Variants in ZRANB3 observed in about 807,000 individuals in gnomAD.
The protein encoded by ZRANB3 is zinc finger RANBP2-type containing 3, also known as DNA annealing helicase and endonuclease ZRANB3.
ZRANB3 carries 125 observed loss-of-function variants against 133.8 expected under a neutral mutation model. The ratio of observed to expected loss-of-function variants is 0.93; its 90% CI spans 0.81 to 1.08. ZRANB3 has a LOEUF of 1.08. Among genes scored for constraint, ZRANB3 ranks in the 50% least tolerant of loss-of-function variants. The pLI, the probability that ZRANB3 is intolerant of heterozygous loss-of-function variation, is 0.00. For synonymous variants in ZRANB3, 387 were observed against 432.7 expected, an observed-to-expected ratio of 0.89 and a Z score of 1.31; for missense variants, 1,229 against 1,275.5, an observed-to-expected ratio of 0.96 and a Z score of 0.56.
chr2:135,451,157 AC>A (rs1313692545), intron 2 of ZRANB3, among the ~76,000 whole-genome samples: 1 of 152,198 alleles, frequency 6.6e-6, no homozygotes, highest in Non-Finnish European at 1.5e-5. Flanking sequence ...AAAGGATCAA[AC>A]CGTTTCTAAG....
At chr2:135,287,465 T>C (rs1681435995) in intron 8 of ZRANB3, among the ~76,000 whole-genome samples, 1 of 152,134 alleles carries the variant, frequency 6.6e-6, no homozygotes, top group Non-Finnish European at 1.5e-5. Context: ...AGAATGATGA[T>C]GGTTATTTTG....
At chr2:135,433,256 G>A (rs557647592) in intron 2 of ZRANB3, among the ~76,000 whole-genome samples, 2 of 152,124 alleles carry the variant, frequency 1.3e-5, no homozygotes, top group Middle Eastern at 3.4e-3. Context: ...GTGTGGTGAC[G>A]TGCGCCTGTA....
rs551410818 is a variant in ZRANB3, at chr2:135,477,492, T to A, written c.161+26837A>T. On this transcript the variant is annotated intron_variant, in intron 2 of 20. Transcript: ENST00000264159. ...CTGCCTGCGGCCCCTCTTCCTTACC[T>A]CCAAGGCCCACTGGGCTATACTTGT... 3.3e-5 allele frequency among the ~76,000 whole-genome samples: 5 copies of A among 152,268 alleles called. No homozygotes were observed. The South Asian group carries it at 1.0e-3, about 32-fold the overall frequency.
At chr2:135,307,625 TG>T (rs1225629241) in intron 8 of ZRANB3, among the ~76,000 whole-genome samples, 1 of 152,194 alleles carries the variant, frequency 6.6e-6, no homozygotes, top group Non-Finnish European at 1.5e-5. Context: ...GTCTTGGCAA[TG>T]GTTGTTTTTT....
intron 2 of ZRANB3, among the ~76,000 whole-genome samples, chr2:135,442,888 G>A (rs1424054391): frequency 6.6e-6 from 1 of 152,102 alleles, no homozygotes. Context: ...AGGCCGAGGT[G>A]GGTGGATCAC....
chr2:135,405,628 C>T (rs1320465548), intron 2 of ZRANB3, among the ~76,000 whole-genome samples: 1 of 152,180 alleles, frequency 6.6e-6, no homozygotes, highest in Non-Finnish European at 1.5e-5. Flanking sequence ...CTCTCTCAGA[C>T]CACACTGCAA....
At chr2:135,220,997 CTG>C (rs1694530312) in intron 15 of ZRANB3, among the ~76,000 whole-genome samples, 1 of 151,740 alleles carries the variant, frequency 6.6e-6, no homozygotes, top group Non-Finnish European at 1.5e-5. Flanking sequence ...GCTGGGATTA[CTG>C]GTGCCTGCCA....
chr2:135,344,697 A>G (rs1684838156), intron 6 of ZRANB3, among the ~76,000 whole-genome samples: 2 of 152,148 alleles, frequency 1.3e-5, no homozygotes, highest in African/African-American at 4.8e-5. Context: ...AGATTGTACC[A>G]CTGCACTCCA....
chr2:135,398,206 T>C (rs900833702), intron 2 of ZRANB3, among the ~76,000 whole-genome samples: 2 of 151,708 alleles, frequency 1.3e-5, no homozygotes, highest in East Asian at 3.9e-4. Context: ...GCTGGGACTA[T>C]AGGTGCCCGC....
intron 12 of ZRANB3, among the ~76,000 whole-genome samples, chr2:135,264,080 C>T (rs867810077): frequency 1.4e-4 from 21 of 151,840 alleles, no homozygotes; most frequent in Admixed American, 1.1e-3. Flanking sequence ...TGAGCCACCA[C>T]GCCTGGTCCA....
intron 12 of ZRANB3, among the ~76,000 whole-genome samples, chr2:135,234,773 G>C (rs867793408): frequency 7.2e-5 from 11 of 152,222 alleles, no homozygotes; most frequent in African/African-American, 2.4e-4. Context: ...AGAATCTCTG[G>C]GATACATTCA....
intron 8 of ZRANB3, among the ~76,000 whole-genome samples, chr2:135,312,136 A>T (rs1212404659): frequency 2.1e-5 from 2 of 97,102 alleles, no homozygotes; most frequent in Non-Finnish European, 1.8e-5. Context: ...TTATTTTATT[A>T]TTTTATTTTA....
intron 17 of ZRANB3, among the ~76,000 whole-genome samples, chr2:135,213,987 A>G (rs965305171): frequency 6.6e-6 from 1 of 152,106 alleles, no homozygotes; most frequent in African/African-American, 2.4e-5. Flanking sequence ...GCCGACAGCC[A>G]GCAAAAAACA....
Position 135,230,577 on chromosome 2 carries a change from G to T in ZRANB3, c.1890C>A (p.Cys630Ter), listed in dbSNP as rs1305826776. 3.8e-6 allele frequency: 6 copies of T among 1,596,346 alleles called. No individual in the cohort carries two copies. The highest frequency in any genetic ancestry group is 3.4e-6 in the Non-Finnish European group (4 of 1,174,010). The change falls in exon 13 of 21, where the codon TGC (cysteine) becomes TGA (stop). Residue 630 changes from cysteine (C) to a stop codon, truncating the protein, a stop_gained. Coordinates refer to ENST00000264159, the MANE Select transcript of ZRANB3 (RefSeq NM_032143.4). LOFTEE classifies it high-confidence loss of function. ...FPVEGWQCSL[C>*]TYINNSELPY... Reference sequence around the variant, plus strand: ...GTAACTCTGAATTATTGATATAGGTGCAGAGACTACATTGCCAGCCCTCTA... The same window carrying T: ...GTAACTCTGAATTATTGATATAGGTTCAGAGACTACATTGCCAGCCCTCTA...
intron 12 of ZRANB3, among the ~76,000 whole-genome samples, chr2:135,243,848 G>A (rs1203651424): frequency 6.6e-6 from 1 of 151,860 alleles, no homozygotes; most frequent in Non-Finnish European, 1.5e-5. Flanking sequence ...TTGAACTCCT[G>A]GGCTCAAGCG....
At chr2:135,408,054 A>G (rs201737160) in intron 2 of ZRANB3, among the ~76,000 whole-genome samples, 10,238 of 151,548 alleles carry the variant, frequency 0.068, 714 homozygotes, top group African/African-American at 0.18. Flanking sequence ...AGAATGGGAG[A>G]AAATTTTTGC....
At chr2:135,365,592 A>G (rs1685897328) in intron 3 of ZRANB3, among the ~76,000 whole-genome samples, 1 of 152,238 alleles carries the variant, frequency 6.6e-6, no homozygotes, top group African/African-American at 2.4e-5. Flanking sequence ...TTGTTTACTA[A>G]CACTGAATTT....
intron 14 of ZRANB3, among the ~76,000 whole-genome samples, chr2:135,225,502 C>T (rs1233984928): frequency 6.6e-6 from 1 of 152,158 alleles, no homozygotes; most frequent in Non-Finnish European, 1.5e-5. Flanking sequence ...GTCTTACAGC[C>T]AATAACAACA....
At chr2:135,334,576 T>C (rs1402218629) in intron 6 of ZRANB3, among the ~76,000 whole-genome samples, 2 of 152,072 alleles carry the variant, frequency 1.3e-5, no homozygotes, top group African/African-American at 4.8e-5. Flanking sequence ...ACAGTGCAAT[T>C]CCATGAGAGA....
Sources: gnomAD v4.1 joint callset for allele counts (sites outside exome capture counted in the v4.1 genomes callset) on GRCh38, gnomAD v4.1.1 for gene constraint, MANE v1.5 for transcripts, NCBI Gene and HGNC (gene_info 2026-07-23, HGNC 2026-07-21) for gene names.